DOCK6: variants seen among roughly 807,000 people sequenced by gnomAD.
DOCK6 encodes the protein dedicator of cytokinesis 6.
DOCK6 carries 167 observed loss-of-function variants against 230.3 expected under a neutral mutation model. That is an observed-to-expected ratio of 0.73 (90% CI 0.64 to 0.82). The LOEUF is 0.82. DOCK6 is among the 40% of genes least tolerant of loss of function. The pLI is 0.00. For synonymous variants in DOCK6, 1,148 were observed against 1,185.0 expected (o/e 0.97, Z 0.64); for missense variants, 2,598 against 2,825.8 (o/e 0.92, Z 1.83).
chr19:11,254,898 G>C (rs1042367065), intron 1 of DOCK6, among the ~76,000 whole-genome samples: 6 of 152,168 alleles, frequency 3.9e-5, no homozygotes, highest in African/African-American at 1.2e-4. Flanking sequence ...ACCTGAGTTC[G>C]GGCTCCGTGC....
Position 11,222,688 on chromosome 19 carries a change from G to A in DOCK6, c.3240+47C>T, listed in dbSNP as rs192837312. The stretch of plus-strand genomic sequence containing the variant: ...GAACCATAGGAGATGGACTGAAGGT[G>A]AGAGGTTGTAGGTCAAAGAGAGGAG... On this transcript the variant is annotated intron_variant, in intron 26 of 47. Transcript: ENST00000294618. This position sits in a 1 kb window ranked among gnomAD's most constrained non-coding sequence, Gnocchi z 4.0. 183 of 1,516,518 alleles carry A rather than the reference G, an allele frequency of 1.2e-4. 1 individual carries two copies. In the East Asian group the frequency reaches 2.5e-3, roughly 20 times the overall value. 93.9% of individuals were successfully genotyped at this position (1,516,518 alleles called of 1,614,324 possible).
In DOCK6 at chr19:11,228,949, G is replaced by T. The variant is rs759201653; in HGVS notation, c.2805C>A (p.Phe935Leu). Residue 935 changes from phenylalanine (F) to leucine (L), a missense_variant, in exon 23 of 48, where the codon TTC (phenylalanine) becomes TTA (leucine). Coordinates refer to ENST00000294618, the MANE Select transcript of DOCK6 (RefSeq NM_020812.4). The stretch of plus-strand genomic sequence containing the variant: ...GAGGAGGGGGTCTCACCATGAGCTG[G>T]AAGAAGAACCAGGCGTGCTGGAGGA... Reference protein sequence around the residue: ...EAILQHAWFFFQLMVKSMALH... With the variant: ...EAILQHAWFFLQLMVKSMALH... The T allele has an allele frequency of 3.7e-5, 59 of 1,613,674 alleles. No homozygotes were observed. Among genetic ancestry groups the T allele is most frequent in the Non-Finnish European group, 4.6e-5 (54 of 1,179,846 alleles).
Position 11,222,681 on chromosome 19 carries a change from TGA to T in DOCK6, c.3240+52_3240+53del. 6.7e-7 allele frequency: 1 copy of T among 1,497,258 alleles called. No individual in the cohort carries two copies. The highest frequency in any genetic ancestry group is 1.3e-5 in the South Asian group (1 of 77,894). The allele number at this position is 1,497,258 out of a possible 1,614,324, so 92.7% of individuals were successfully genotyped here. ...GATGAGGGAACCATAGGAGATGGAC[TGA>T]AGGTGAGAGGTTGTAGGTCAAAGAG... On this transcript the variant is annotated intron_variant, in intron 26 of 47. Coordinates refer to ENST00000294618, the MANE Select transcript of DOCK6 (RefSeq NM_020812.4). The surrounding 1 kb of genome is among the most constrained non-coding windows in gnomAD (Gnocchi z 4.0).
intron 7 of DOCK6, 64 bp downstream of exon 7, chr19:11,248,002 A>G (rs1407426970): frequency 7.0e-7 from 1 of 1,426,152 alleles, no homozygotes; most frequent in Admixed American, 1.9e-5. Context: ...TGTAGTGTGT[A>G]CCCCGCCGGA....
At chr19:11,260,446 A>G (rs1445677738) in intron 1 of DOCK6, among the ~76,000 whole-genome samples, 1 of 151,740 alleles carries the variant, frequency 6.6e-6, no homozygotes, top group African/African-American at 2.4e-5. Flanking sequence ...TGAGTGTTGC[A>G]GCATACACCT....
At position 11,238,094 on chromosome 19, in the gene DOCK6, A is replaced by G; in HGVS notation, c.1783T>C (p.Cys595Arg). Residue 595 changes from cysteine (C) to arginine (R), a missense_variant, in exon 16 of 48, where the codon TGC (cysteine) becomes CGC (arginine). By Grantham distance (180) the Cys-to-Arg change is radical (BLOSUM62 -3). Transcript: ENST00000294618. ...ALPVIFGKSSCSEFTREAFTP... is the reference protein window; with the variant it reads ...ALPVIFGKSSRSEFTREAFTP... ...AAGGCCTCGCGGGTAAATTCACTGCAGCTGGACTTGCCAAAGATGACCTGG... is the reference window on the plus strand; with the variant it reads ...AAGGCCTCGCGGGTAAATTCACTGCGGCTGGACTTGCCAAAGATGACCTGG... 2 of 1,613,946 alleles carry G rather than the reference A, an allele frequency of 1.2e-6. No homozygotes were observed. Among genetic ancestry groups the G allele is most frequent in the South Asian group, 2.2e-5 (2 of 91,078 alleles).
In DOCK6 at chr19:11,202,341, C is replaced by T; in HGVS notation, c.5451+53G>A. 6.3e-7 allele frequency: 1 copy of T among 1,581,038 alleles called. No homozygotes were observed. The highest frequency in any genetic ancestry group is 8.6e-7 in the Non-Finnish European group (1 of 1,160,546). On this transcript the variant is annotated intron_variant, in intron 43 of 47. Coordinates refer to ENST00000294618, the MANE Select transcript of DOCK6 (RefSeq NM_020812.4). The surrounding 1 kb of genome is among the most constrained non-coding windows in gnomAD (Gnocchi z 5.3). Reference sequence around the variant, plus strand: ...GGATTTGAGGGTCCCCAGGAAACAGCACTTGGAGTCTCTGTGAATCTAAGA... The same window carrying T: ...GGATTTGAGGGTCCCCAGGAAACAGTACTTGGAGTCTCTGTGAATCTAAGA...
intron 14 of DOCK6, among the ~76,000 whole-genome samples, chr19:11,241,043 G>C (rs1220061628): frequency 6.6e-6 from 1 of 150,674 alleles, no homozygotes; most frequent in Admixed American, 6.6e-5. Context: ...TCAGGAGTTC[G>C]AGACCACCCT....
intron 1 of DOCK6, among the ~76,000 whole-genome samples, chr19:11,261,578 C>T (rs978376955): frequency 6.6e-6 from 1 of 151,012 alleles, no homozygotes; most frequent in Non-Finnish European, 1.5e-5. Context: ...GTCGCAAAGA[C>T]CCCCCGCCAA....
At chr19:11,254,000 C>T (rs777754096) in intron 1 of DOCK6, 21 of 360,376 alleles carry the variant, frequency 5.8e-5, no homozygotes, top group Non-Finnish European at 9.4e-5. Flanking sequence ...CTGTGGCCTT[C>T]CAGGTCTGGA....
Position 11,237,777 on chromosome 19 carries a change from G to A in DOCK6, c.1835C>T (p.Ser612Phe), listed in dbSNP as rs368164863. 9.8e-5 allele frequency: 154 copies of A among 1,565,416 alleles called. No individual in the cohort carries two copies. Among genetic ancestry groups the A allele is most frequent in the Non-Finnish European group, 1.3e-4 (153 of 1,155,606 alleles). The change falls in exon 17 of 48, where the codon TCC (serine) becomes TTC (phenylalanine). Residue 612 changes from serine (S) to phenylalanine (F), a missense_variant and splice_region_variant. By Grantham distance (155) the Ser-to-Phe change is radical. Transcript: ENST00000294618. ...AFTPVVYHNKSPEFYEEFKLH... is the reference protein window; with the variant it reads ...AFTPVVYHNKFPEFYEEFKLH... ...CTTGAACTCCTCGTAGAACTCGGGGGACCTGGCAGAATCGGGCTGGGGGAT... is the reference window on the plus strand; with the variant it reads ...CTTGAACTCCTCGTAGAACTCGGGGAACCTGGCAGAATCGGGCTGGGGGAT...
At position 11,222,946 on chromosome 19, in the gene DOCK6, C is replaced by T. The variant is rs981038346; in HGVS notation, c.3070-41G>A. 3 of 1,613,070 alleles carry T rather than the reference C, an allele frequency of 1.9e-6. No individual in the cohort carries two copies. Among genetic ancestry groups the T allele is most frequent in the Admixed American group, 1.7e-5 (1 of 59,838 alleles). On this transcript the variant is annotated intron_variant, in intron 25 of 47. Coordinates refer to ENST00000294618, the MANE Select transcript of DOCK6 (RefSeq NM_020812.4). The surrounding 1 kb of genome is among the most constrained non-coding windows in gnomAD (Gnocchi z 4.0). ...GGCCATCAGTGATGTCAACATTGCTCCGCCTTCCATCCATGCCATGCCCAC... is the reference window on the plus strand; with the variant it reads ...GGCCATCAGTGATGTCAACATTGCTTCGCCTTCCATCCATGCCATGCCCAC...
At chr19:11,251,992 T>C (rs558604229) in intron 5 of DOCK6, 127 bp downstream of exon 5, 26 of 1,395,806 alleles carry the variant, frequency 1.9e-5, no homozygotes, top group South Asian at 1.6e-4. Flanking sequence ...TTTTTACTCA[T>C]GGGGACTGAT....
Position 11,243,323 on chromosome 19 carries a change from C to CCCGGTCCTGGGG in DOCK6, c.1320_1321insCCCCAGGACCGG (p.Gly440_Asp441insProGlnAspArg), listed in dbSNP as rs763032857. On this transcript the variant is annotated inframe_insertion, in exon 12 of 48. Transcript: ENST00000294618. The surrounding 1 kb of genome is among the most constrained non-coding windows in gnomAD (Gnocchi z 6.3). ...AAGCCAGAGAAGCTGCAGGCGTCGT[C>CCCGGTCCTGGGG]CCCACTACTCGCCCGGTCCTGGGGC... The CCCGGTCCTGGGG allele has an allele frequency of 5.0e-6, 8 of 1,599,792 alleles. No homozygotes were observed. Among genetic ancestry groups the CCCGGTCCTGGGG allele is most frequent in the Non-Finnish European group, 6.8e-6 (8 of 1,174,038 alleles).
chr19:11,204,168 G>GA lies in DOCK6; in HGVS notation c.5220+31_5220+32insT, dbSNP rs762299851. On this transcript the variant is annotated intron_variant, in intron 40 of 47. Transcript: ENST00000294618. ...AGTGGGGATGAGGAGTGGGGCTGAG[G>GA]GTGGGGTCTGGGGAGGGGGTCCTGG... 3.2e-6 allele frequency: 5 copies of GA among 1,549,078 alleles called. No individual in the cohort carries two copies. In the African/African-American group the frequency reaches 5.5e-5, roughly 17 times the overall value.
rs1308973253 is a variant in DOCK6 at position 11,243,380 on chromosome 19, G to T, written c.1264C>A (p.Arg422=). The change falls in exon 12 of 48, where the codon CGG becomes AGG. Residue 422 remains arginine (R), a synonymous_variant. Transcript: ENST00000294618. This position sits in a 1 kb window ranked among gnomAD's most constrained non-coding sequence, Gnocchi z 6.3. ...DRDSDSEGER[R]PAWTDRRRRG... ...CGGCGGCGGTCTGTCCAGGCTGGCC[G>T]GCGCTCTAGGGGAGGGAATGACAAT... is the stretch of plus-strand genomic sequence containing the variant. 1.9e-6 allele frequency: 3 copies of T among 1,601,658 alleles called. No homozygotes were observed. Among genetic ancestry groups the T allele is most frequent in the Admixed American group, 1.7e-5 (1 of 58,016 alleles).
At position 11,213,239 on chromosome 19, in the gene DOCK6, GGTGCTGATGCGGCTGCCACA is replaced by G. The variant is rs745975850; in HGVS notation, c.4408_4427del (p.Cys1470HisfsTer46). The G allele has an allele frequency of 6.2e-7, 1 of 1,613,202 alleles. No individual in the cohort carries two copies. The highest frequency in any genetic ancestry group is 2.2e-5 in the East Asian group (1 of 44,880). ...GCGAGGCGCTGGCGTGCGTGCGGATGGTGCTGATGCGGCTGCCACAGTGTCGTAGGAGCCTCAGGCACAGG... is the reference window on the plus strand; with the variant it reads ...GCGAGGCGCTGGCGTGCGTGCGGATGGTGTCGTAGGAGCCTCAGGCACAGG... On this transcript the variant is annotated frameshift_variant, in exon 35 of 48. Coordinates refer to ENST00000294618, the MANE Select transcript of DOCK6 (RefSeq NM_020812.4). LOFTEE classifies it high-confidence loss of function.
intron 21 of DOCK6, 42 bp downstream of exon 21, chr19:11,235,556 T>C (rs1405245042): frequency 5.3e-6 from 8 of 1,519,022 alleles, no homozygotes; most frequent in Middle Eastern, 1.7e-4. Flanking sequence ...CAGCCTCTTC[T>C]CCCAGATATT....
At chr19:11,250,437 C>T (rs1178391667) in intron 6 of DOCK6, among the ~76,000 whole-genome samples, 1 of 151,340 alleles carries the variant, frequency 6.6e-6, no homozygotes, top group African/African-American at 2.4e-5. Context: ...GCCTCAGCCT[C>T]CTGAGTAGCT....
Sources: gnomAD v4.1 joint callset for allele counts (sites outside exome capture counted in the v4.1 genomes callset) on GRCh38, gnomAD v4.1.1 for gene constraint, Gnocchi (gnomAD v3.1) non-coding constraint, MANE v1.5 for transcripts, NCBI Gene and HGNC (gene_info 2026-07-23, HGNC 2026-07-21) for gene names.